The following PDE7B variants were observed in gnomAD, a reference collection of about 807,000 sequenced individuals.
The protein encoded by PDE7B is phosphodiesterase 7B, also known as 3',5'-cyclic-AMP phosphodiesterase 7B.
PDE7B carries 29 observed loss-of-function variants against 56.2 expected under a neutral mutation model. The observed-to-expected ratio is 0.52, with a 90% CI of 0.38 to 0.70. The LOEUF (loss-of-function observed/expected upper bound fraction) is 0.70, where lower values mean the gene tolerates loss of function less well. PDE7B is among the 30% of genes least tolerant of loss of function. PDE7B has a pLI of 0.00. For synonymous variants in PDE7B, 197 were observed against 196.9 expected (o/e 1.00, Z 0.00); for missense variants, 490 against 565.0 (o/e 0.87, Z 1.35).
intron 3 of PDE7B, among the ~76,000 whole-genome samples, chr6:136,141,903 A>G (rs1778333195): frequency 6.6e-6 from 1 of 151,458 alleles, no homozygotes; most frequent in South Asian, 2.1e-4. Flanking sequence ...TTTTCAAAAA[A>G]CCAGCTTCTG....
At chr6:136,030,818 G>A (rs954167990) in intron 2 of PDE7B, among the ~76,000 whole-genome samples, 1 of 152,194 alleles carries the variant, frequency 6.6e-6, no homozygotes, top group South Asian at 2.1e-4. Context: ...CTGGAAAGAA[G>A]GAGTCATGGA....
Position 135,971,070 on chromosome 6 carries a change from T to C in PDE7B, c.82+23546T>C, listed in dbSNP as rs1022819083. On this transcript the variant is annotated intron_variant, in intron 2 of 12. Coordinates refer to ENST00000308191, the MANE Select transcript of PDE7B (RefSeq NM_018945.4). ...CCCATTCTGAAGTCCTATTCCCCCG[T>C]ACCTCAGAATGTGATCTTTTCTAGA... is the stretch of plus-strand genomic sequence containing the variant. 5.9e-5 allele frequency among the ~76,000 whole-genome samples: 9 copies of C among 152,244 alleles called. No individual in the cohort carries two copies. In the South Asian group the frequency reaches 1.9e-3, roughly 32 times the overall value.
At chr6:135,974,032 T>C (rs1325482325) in intron 2 of PDE7B, among the ~76,000 whole-genome samples, 1 of 152,214 alleles carries the variant, frequency 6.6e-6, no homozygotes, top group Non-Finnish European at 1.5e-5. Flanking sequence ...CATGAATCAA[T>C]GAACAAGACT....
At chr6:136,110,292 TACCCTGAATGGGCTGTTCCAGCTACCC>T (rs1291170182) in intron 3 of PDE7B, among the ~76,000 whole-genome samples, 1 of 152,174 alleles carries the variant, frequency 6.6e-6, no homozygotes, top group East Asian at 1.9e-4. Flanking sequence ...CCTTTCCTTA[TACCCTGAATGGGCTGTTCCAGCTACCC>T]ACGGAAGTTA....
chr6:136,124,727 G>C (rs559677954), intron 3 of PDE7B, among the ~76,000 whole-genome samples: 1 of 152,292 alleles, frequency 6.6e-6, no homozygotes, highest in East Asian at 1.9e-4. Flanking sequence ...GCAGGATCTT[G>C]ACAGATATTT....
At chr6:136,187,778 C>T (rs9494464) in intron 12 of PDE7B, among the ~76,000 whole-genome samples, 9,765 of 152,226 alleles carry the variant, frequency 0.064, 797 homozygotes, top group African/African-American at 0.19. Flanking sequence ...ATTTTAGGCA[C>T]TTTAGCGGAG....
At chr6:135,945,880 T>A (rs1362265955) in intron 1 of PDE7B, among the ~76,000 whole-genome samples, 1 of 152,126 alleles carries the variant, frequency 6.6e-6, no homozygotes, top group Non-Finnish European at 1.5e-5. Flanking sequence ...CATTTTTATA[T>A]TCAGAGTTGT....
chr6:135,937,234 G>T (rs1774436291), intron 1 of PDE7B, among the ~76,000 whole-genome samples: 1 of 152,208 alleles, frequency 6.6e-6, no homozygotes, highest in Non-Finnish European at 1.5e-5. Context: ...ACCCTTTTGG[G>T]ATCTCTCTAT....
In PDE7B at chr6:136,151,011, T is replaced by C. The variant is rs1462112761; in HGVS notation, c.383-149T>C. 5 of 564,018 alleles carry C rather than the reference T, an allele frequency of 8.9e-6. No homozygotes were observed. The Admixed American group carries it at 1.3e-4, about 14-fold the overall frequency. 34.9% of individuals were successfully genotyped at this position (564,018 alleles called of 1,614,324 possible). A position where few individuals can be genotyped will look rare whatever the true frequency, so the allele number is the denominator to read the frequency against. On this transcript the variant is annotated intron_variant, in intron 5 of 12. Coordinates refer to ENST00000308191, the MANE Select transcript of PDE7B (RefSeq NM_018945.4). Reference sequence around the variant, plus strand: ...ACCTAGGATCAGATCATAGTAATAATATGCTCTATCCTTGAATAATTTCAC... The same window carrying C: ...ACCTAGGATCAGATCATAGTAATAACATGCTCTATCCTTGAATAATTTCAC...
At chr6:136,177,126 A>C (rs1394341451) in intron 9 of PDE7B, among the ~76,000 whole-genome samples, 2 of 151,920 alleles carry the variant, frequency 1.3e-5, no homozygotes, top group Non-Finnish European at 2.9e-5. Flanking sequence ...GAAAAAAAAA[A>C]CTAGCCATAA....
At position 136,134,541 on chromosome 6, in the gene PDE7B, TCTTA is replaced by T. The variant is rs369086101; in HGVS notation, c.167-12807_167-12804del. 9.2e-5 allele frequency among the ~76,000 whole-genome samples: 14 copies of T among 152,162 alleles called. No homozygotes were observed. In the East Asian group the frequency reaches 2.7e-3, roughly 29 times the overall value. On this transcript the variant is annotated intron_variant, in intron 3 of 12. Transcript: ENST00000308191. ...TAGGACTGAGGAAACTTGATCTGCT[TCTTA>T]CTAATTCATTTAAATTTCATTCAAA...
At chr6:135,997,711 T>G (rs1047192820) in intron 2 of PDE7B, among the ~76,000 whole-genome samples, 1 of 152,092 alleles carries the variant, frequency 6.6e-6, no homozygotes, top group Non-Finnish European at 1.5e-5. Context: ...TTGCAAAAAG[T>G]TTTTAAGAAA....
Position 136,141,758 on chromosome 6 carries a change from G to A in PDE7B, c.167-5593G>A, listed in dbSNP as rs141136549. Among the ~76,000 whole-genome samples, 107 of 152,288 alleles carry A rather than the reference G, an allele frequency of 7.0e-4. 2 individuals carry two copies. Among genetic ancestry groups the A allele is most frequent in the African/African-American group, 2.5e-3 (102 of 41,566 alleles). On this transcript the variant is annotated intron_variant, in intron 3 of 12. Coordinates refer to ENST00000308191, the MANE Select transcript of PDE7B (RefSeq NM_018945.4). ...GATTTTCTAGTTTATTTGCGTACAG[G>A]TGTTTAGTATTCTCTGATGGTAGTT...
At chr6:136,103,808 C>G (rs1777602545) in intron 2 of PDE7B, among the ~76,000 whole-genome samples, 1 of 152,224 alleles carries the variant, frequency 6.6e-6, no homozygotes. Flanking sequence ...AGCTACTGCT[C>G]TGTCCCTGAC....
chr6:135,941,924 A>G (rs1417811669), intron 1 of PDE7B, among the ~76,000 whole-genome samples: 3 of 152,240 alleles, frequency 2.0e-5, no homozygotes, highest in African/African-American at 7.2e-5. Context: ...AATTCAAGTT[A>G]TAGTAACTAC....
chr6:136,106,755 A>G (rs1777650617), intron 2 of PDE7B, among the ~76,000 whole-genome samples: 1 of 152,204 alleles, frequency 6.6e-6, no homozygotes, highest in Non-Finnish European at 1.5e-5. Flanking sequence ...TGCTTTGTAA[A>G]CATAGGGTGT....
chr6:136,039,858 CT>C (rs1776385966), intron 2 of PDE7B, among the ~76,000 whole-genome samples: 2 of 152,168 alleles, frequency 1.3e-5, no homozygotes, highest in South Asian at 2.1e-4. Flanking sequence ...AAATTTTACT[CT>C]GACACTTCAA....
intron 1 of PDE7B, among the ~76,000 whole-genome samples, chr6:135,885,291 T>G (rs902425111): frequency 6.6e-6 from 1 of 151,366 alleles, no homozygotes; most frequent in Non-Finnish European, 1.5e-5. Flanking sequence ...AGGGTTTTGT[T>G]GTTTGTTTGT....
intron 9 of PDE7B, 141 bp from the exon 10 acceptor site, chr6:136,178,856 T>G (rs1779019613): frequency 4.7e-6 from 4 of 858,708 alleles, no homozygotes; most frequent in Non-Finnish European, 7.5e-6. Flanking sequence ...TCTCAGGCAG[T>G]GAAGGACTGG....
Sources: allele counts gnomAD v4.1 joint callset (sites outside exome capture counted in the v4.1 genomes callset), GRCh38; gene constraint gnomAD v4.1.1; transcripts MANE v1.5; gene names NCBI Gene and HGNC (gene_info 2026-07-23, HGNC 2026-07-21).